The following TRIQK variants were observed in gnomAD, a reference collection of about 807,000 sequenced individuals.
TRIQK encodes triple QxxK/R motif-containing protein.
A neutral mutation model predicts 10.8 loss-of-function variants in TRIQK; 10 were observed. The ratio of observed to expected loss-of-function variants is 0.92; its 90% CI spans 0.57 to 1.57. The LOEUF (loss-of-function observed/expected upper bound fraction) is 1.57, where lower values mean the gene tolerates loss of function less well. Among genes scored for constraint, TRIQK ranks in the 40% most tolerant of loss-of-function variants. The probability of loss-of-function intolerance (pLI) is 0.00; values close to 1 mark genes in which losing one functional copy is unlikely to be tolerated. For missense variants in TRIQK, 107 were observed against 97.7 expected (o/e 1.09, Z -0.40); for synonymous variants, 33 against 33.7 (o/e 0.98, Z 0.07).
intron 1 of TRIQK, among the ~76,000 whole-genome samples, chr8:92,985,897 A>G (rs913400227): frequency 2.0e-5 from 3 of 152,174 alleles, no homozygotes; most frequent in Admixed American, 6.5e-5. Context: ...ACACACTGCC[A>G]GAGTTCATAA....
intron 3 of TRIQK, among the ~76,000 whole-genome samples, chr8:92,899,022 T>C (rs1286751215): frequency 2.0e-5 from 3 of 148,612 alleles, no homozygotes; most frequent in African/African-American, 7.4e-5. Context: ...TTCTGGAGTC[T>C]CACTCTGTCA....
intron 1 of TRIQK, among the ~76,000 whole-genome samples, chr8:92,986,386 A>G (rs1813030184): frequency 6.6e-6 from 1 of 152,186 alleles, no homozygotes; most frequent in Non-Finnish European, 1.5e-5. Flanking sequence ...TACAGACAAA[A>G]TGCAACCATT....
upstream of TRIQK, among the ~76,000 whole-genome samples, chr8:92,971,078 T>C (rs1770218813): frequency 1.3e-5 from 2 of 152,170 alleles, no homozygotes; most frequent in South Asian, 4.1e-4. Flanking sequence ...CTTGTTTTTT[T>C]CCTGTTTGTC....
chr8:92,968,815 A>G (rs1016434101), upstream of TRIQK, among the ~76,000 whole-genome samples: 1 of 152,018 alleles, frequency 6.6e-6, no homozygotes. Flanking sequence ...ATTAGATCCC[A>G]TTTGTCAATT....
intron 3 of TRIQK, among the ~76,000 whole-genome samples, chr8:92,897,909 A>T (rs1340910316): frequency 6.6e-6 from 1 of 151,972 alleles, no homozygotes; most frequent in Non-Finnish European, 1.5e-5. Context: ...GAAGAGCCTT[A>T]AGTCCACCAA....
intron 1 of TRIQK, among the ~76,000 whole-genome samples, chr8:92,998,561 T>C (rs1016714306): frequency 6.6e-6 from 1 of 152,008 alleles, no homozygotes; most frequent in Non-Finnish European, 1.5e-5. Flanking sequence ...ACTCCCCCAT[T>C]TGGTGAAAAG....
At chr8:92,980,015 T>A (rs1026293992) in intron 1 of TRIQK, among the ~76,000 whole-genome samples, 1 of 152,036 alleles carries the variant, frequency 6.6e-6, no homozygotes, top group African/African-American at 2.4e-5. Flanking sequence ...ATAGAGGGTG[T>A]CTTCATCTCA....
At chr8:92,931,719 G>A (rs1366394827) in intron 2 of TRIQK, among the ~76,000 whole-genome samples, 1 of 152,064 alleles carries the variant, frequency 6.6e-6, no homozygotes, top group Non-Finnish European at 1.5e-5. Flanking sequence ...TACCATCCAA[G>A]CCAGAACACT....
chr8:92,929,860 AAAG>A (rs1313679338), intron 2 of TRIQK, among the ~76,000 whole-genome samples: 2 of 152,276 alleles, frequency 1.3e-5, no homozygotes, highest in African/African-American at 4.8e-5. Flanking sequence ...TATATTTGTA[AAAG>A]AAGATAGGTT....
chr8:92,893,354 A>G (rs894019365), intron 3 of TRIQK, among the ~76,000 whole-genome samples: 1 of 152,010 alleles, frequency 6.6e-6, no homozygotes, highest in African/African-American at 2.4e-5. Flanking sequence ...GCTGGAAAGC[A>G]AGGTATTTTG....
intron 1 of TRIQK, among the ~76,000 whole-genome samples, chr8:92,964,665 C>A (rs1812644281): frequency 6.7e-6 from 1 of 149,740 alleles, no homozygotes; most frequent in Admixed American, 6.6e-5. Context: ...AATGGCAATA[C>A]TTATACGTGT....
intron 1 of TRIQK, among the ~76,000 whole-genome samples, chr8:92,996,373 G>C (rs1366565028): frequency 1.3e-5 from 2 of 151,988 alleles, no homozygotes; most frequent in Non-Finnish European, 2.9e-5. Context: ...AGTTCAAAAA[G>C]TTAAATTCAA....
intron 1 of TRIQK, among the ~76,000 whole-genome samples, chr8:92,977,998 A>C (rs1010696308): frequency 6.6e-6 from 1 of 151,906 alleles, no homozygotes; most frequent in Non-Finnish European, 1.5e-5. Context: ...GGTCTTATGG[A>C]TTTTTCTCTC....
intron 2 of TRIQK, among the ~76,000 whole-genome samples, chr8:92,940,950 A>C (rs1282478646): frequency 6.6e-6 from 1 of 152,222 alleles, no homozygotes; most frequent in Non-Finnish European, 1.5e-5. Flanking sequence ...AATGGTATAA[A>C]ACTAGAAATC....
intron 2 of TRIQK, among the ~76,000 whole-genome samples, chr8:92,939,147 C>CAGTTTGGTTTTACTTA (rs1811145209): frequency 1.3e-5 from 2 of 152,124 alleles, no homozygotes; most frequent in Admixed American, 1.3e-4. Context: ...GAGTTAAAAT[C>CAGTTTGGTTTTACTTA]AGTATGGTCA....
intron 3 of TRIQK, among the ~76,000 whole-genome samples, chr8:92,909,689 T>A (rs1320825990): frequency 6.6e-6 from 1 of 151,640 alleles, no homozygotes; most frequent in Non-Finnish European, 1.5e-5. Context: ...AAAATACAAA[T>A]TAATTTCCAA....
intron 2 of TRIQK, among the ~76,000 whole-genome samples, chr8:92,952,724 T>A (rs1811970121): frequency 6.6e-6 from 1 of 152,020 alleles, no homozygotes; most frequent in Non-Finnish European, 1.5e-5. Flanking sequence ...TACAAAGGTA[T>A]GACAGTCATT....
intron 1 of TRIQK, among the ~76,000 whole-genome samples, chr8:93,014,365 T>G (rs1813363798): frequency 6.6e-6 from 1 of 152,092 alleles, no homozygotes. Flanking sequence ...TGAATATGAT[T>G]TTATCATTTT....
At chr8:92,997,996 T>G (rs1406140595) in intron 1 of TRIQK, among the ~76,000 whole-genome samples, 1 of 151,958 alleles carries the variant, frequency 6.6e-6, no homozygotes, top group Non-Finnish European at 1.5e-5. Flanking sequence ...ATTAATTACA[T>G]TATTGATTTT....
Sources: gnomAD v4.1 joint callset for allele counts (sites outside exome capture counted in the v4.1 genomes callset) on GRCh38, gnomAD v4.1.1 for gene constraint, MANE v1.5 for transcripts, NCBI Gene and HGNC (gene_info 2026-07-23, HGNC 2026-07-21) for gene names.